Variants in CHL1 observed in about 807,000 individuals in gnomAD.
CHL1 encodes the protein cell adhesion molecule L1 like.
A neutral mutation model predicts 141.9 loss-of-function variants in CHL1; 96 were observed. That is an observed-to-expected ratio of 0.68 (90% CI 0.57 to 0.80). The LOEUF (loss-of-function observed/expected upper bound fraction) is 0.80. Among genes scored for constraint, CHL1 ranks in the 30% least tolerant of loss-of-function variants. The probability of loss-of-function intolerance (pLI) is 0.00; values close to 1 mark genes in which losing one functional copy is unlikely to be tolerated. For missense variants in CHL1, 1,820 were observed against 1,457.2 expected, an observed-to-expected ratio of 1.25 and a Z score of -4.05; for synonymous variants, 613 against 502.2, an observed-to-expected ratio of 1.22 and a Z score of -2.95.
chr3:302,101 T>C (rs1287598472), intron 2 of CHL1, among the ~76,000 whole-genome samples: 1 of 152,232 alleles, frequency 6.6e-6, no homozygotes, highest in Non-Finnish European at 1.5e-5. Context: ...GGTTGCATAG[T>C]ATTCCATGGT....
At chr3:336,237 C>A (rs1054326005) in intron 5 of CHL1, among the ~76,000 whole-genome samples, 6 of 152,014 alleles carry the variant, frequency 3.9e-5, no homozygotes, top group Non-Finnish European at 8.8e-5. Flanking sequence ...GTTGAAAATA[C>A]CTTGATACTA....
chr3:202,811 G>T (rs1178373832), intron 1 of CHL1, among the ~76,000 whole-genome samples: 1 of 152,156 alleles, frequency 6.6e-6, no homozygotes, highest in Non-Finnish European at 1.5e-5. Flanking sequence ...TCTCAAATGT[G>T]CTTTTCATTT....
chr3:216,329 T>A (rs1241129649), intron 1 of CHL1, among the ~76,000 whole-genome samples: 1 of 152,240 alleles, frequency 6.6e-6, no homozygotes, highest in East Asian at 1.9e-4. Flanking sequence ...TTCCTTTTTG[T>A]TGTCCTGTGA....
At chr3:273,493 T>G (rs745898180) in intron 2 of CHL1, among the ~76,000 whole-genome samples, 22 of 152,210 alleles carry the variant, frequency 1.4e-4, no homozygotes, top group Admixed American at 3.3e-4. Context: ...TTAATCTTAT[T>G]CAAGACTTGT....
chr3:284,253 T>C (rs1048691258), intron 2 of CHL1, among the ~76,000 whole-genome samples: 4 of 152,178 alleles, frequency 2.6e-5, no homozygotes, highest in African/African-American at 9.7e-5. Context: ...GGAAGGACTT[T>C]CTGAGGTGAC....
At chr3:291,113 C>G (rs1167978784) in intron 2 of CHL1, among the ~76,000 whole-genome samples, 1 of 151,826 alleles carries the variant, frequency 6.6e-6, no homozygotes, top group Non-Finnish European at 1.5e-5. Flanking sequence ...CCAGGGTTGC[C>G]TGTTTAATAT....
At chr3:202,792 C>A (rs1238882464) in intron 1 of CHL1, among the ~76,000 whole-genome samples, 2 of 152,194 alleles carry the variant, frequency 1.3e-5, no homozygotes, top group East Asian at 1.9e-4. Context: ...GCACTTTATT[C>A]TCTGAAGATC....
At chr3:204,798 A>G (rs1258305393) in intron 1 of CHL1, among the ~76,000 whole-genome samples, 2 of 15,804 alleles carry the variant, frequency 1.3e-4, no homozygotes, top group Non-Finnish European at 1.2e-3. Context: ...GAAGATTTCT[A>G]TTTTAAAAAA....
At chr3:398,503 C>T (rs773990621) in intron 25 of CHL1, 118 bp downstream of exon 25, 11 of 565,558 alleles carry the variant, frequency 1.9e-5, no homozygotes, top group South Asian at 4.7e-5. Context: ...TTATGAAAAT[C>T]GTAATTTCAA....
chr3:289,470 A>G (rs1229780596), intron 2 of CHL1, among the ~76,000 whole-genome samples: 1 of 152,162 alleles, frequency 6.6e-6, no homozygotes, highest in African/African-American at 2.4e-5. Flanking sequence ...AGCTAAAATT[A>G]TATGTATTTA....
At chr3:264,817 GTACT>G in intron 2 of CHL1, among the ~76,000 whole-genome samples, 1 of 152,178 alleles carries the variant, frequency 6.6e-6, no homozygotes, top group African/African-American at 2.4e-5. Flanking sequence ...AAATACCAGC[GTACT>G]TAGTGAATTA....
At chr3:327,172 A>G (rs984643694) in intron 4 of CHL1, among the ~76,000 whole-genome samples, 5 of 151,988 alleles carry the variant, frequency 3.3e-5, no homozygotes, top group Non-Finnish European at 5.9e-5. Context: ...CCTACTCCTA[A>G]TGAGAATACA....
At chr3:303,823 C>T (rs1250649587) in intron 2 of CHL1, among the ~76,000 whole-genome samples, 1 of 152,146 alleles carries the variant, frequency 6.6e-6, no homozygotes, top group East Asian at 1.9e-4. Flanking sequence ...GGGAATGCTT[C>T]CAGTTTTTGC....
chr3:274,619 C>T (rs17017700), intron 2 of CHL1, among the ~76,000 whole-genome samples: 2 of 152,160 alleles, frequency 1.3e-5, no homozygotes, highest in Non-Finnish European at 2.9e-5. Flanking sequence ...TAGGCTGACA[C>T]GTTACCAATA....
At chr3:222,104 A>G (rs1019664778) in intron 1 of CHL1, among the ~76,000 whole-genome samples, 1 of 152,208 alleles carries the variant, frequency 6.6e-6, no homozygotes, top group Non-Finnish European at 1.5e-5. Context: ...TTTCTATGCT[A>G]TATTACTTGT....
At chr3:342,771 C>T (rs1702440178) in intron 7 of CHL1, among the ~76,000 whole-genome samples, 1 of 152,118 alleles carries the variant, frequency 6.6e-6, no homozygotes, top group Non-Finnish European at 1.5e-5. Flanking sequence ...TTCAGTGGAG[C>T]TATAACTTGA....
intron 19 of CHL1, among the ~76,000 whole-genome samples, chr3:388,403 C>T (rs905117571): frequency 9.9e-5 from 15 of 152,018 alleles, no homozygotes; most frequent in African/African-American, 2.7e-4. Flanking sequence ...CAAAATTAGC[C>T]GGGCGTGGTG....
At chr3:348,102 A>G (rs1181049779) in intron 9 of CHL1, among the ~76,000 whole-genome samples, 1 of 152,234 alleles carries the variant, frequency 6.6e-6, no homozygotes, top group African/African-American at 2.4e-5. Flanking sequence ...GACAGGAAGC[A>G]TATATTCTAA....
At chr3:357,114 T>C (rs559420436) in intron 11 of CHL1, among the ~76,000 whole-genome samples, 59 of 152,286 alleles carry the variant, frequency 3.9e-4, no homozygotes, top group African/African-American at 1.1e-3. Flanking sequence ...AATAAACTTA[T>C]GCGAGACCAC....
Sources: gnomAD v4.1 joint callset for allele counts (sites outside exome capture counted in the v4.1 genomes callset) on GRCh38, gnomAD v4.1.1 for gene constraint, MANE v1.5 for transcripts, NCBI Gene and HGNC (gene_info 2026-07-23, HGNC 2026-07-21) for gene names.